The following RAB3GAP1 variants were observed in gnomAD, a reference collection of about 807,000 sequenced individuals.
The protein encoded by RAB3GAP1 is RAB3 GTPase activating protein catalytic subunit 1.
Under a neutral mutation model 130.7 loss-of-function variants are expected in RAB3GAP1, and 86 were observed. The observed-to-expected ratio is 0.66, with a 90% CI of 0.55 to 0.79. RAB3GAP1 has a LOEUF of 0.79. Among genes scored for constraint, RAB3GAP1 ranks in the 30% least tolerant of loss-of-function variants. The pLI is 0.00. For missense variants in RAB3GAP1, 1,029 were observed against 1,169.4 expected (o/e 0.88, Z 1.75); for synonymous variants, 367 against 401.7 (o/e 0.91, Z 1.03).
In RAB3GAP1 at chr2:135,162,597, C is replaced by T. The variant is rs747631403; in HGVS notation, c.2332C>T (p.Arg778Trp). 34 of 1,613,926 alleles carry T rather than the reference C, an allele frequency of 2.1e-5. No homozygotes were observed. The highest frequency in any genetic ancestry group is 1.3e-4 in the Admixed American group (8 of 59,984). ...LAIQKPADLA[R>W]HLLPCVIHAA... ...AATCCAGAAACCTGCAGACCTTGCT[C>T]GGCACCTGTTACCTTGTGTGATTCA... The change falls in exon 20 of 24, where the codon CGG (arginine) becomes TGG (tryptophan). Residue 778 changes from arginine to tryptophan, a missense_variant. Arg to Trp is a moderately radical substitution (Grantham distance 101). Transcript: ENST00000264158.
chr2:135,140,494 T>A (rs998114834), intron 17 of RAB3GAP1, among the ~76,000 whole-genome samples: 1 of 152,182 alleles, frequency 6.6e-6, no homozygotes, highest in African/African-American at 2.4e-5. Flanking sequence ...CTATAATTTA[T>A]TACAAGAAGA....
intron 3 of RAB3GAP1, among the ~76,000 whole-genome samples, chr2:135,086,678 TTTTTTTTTC>T (rs1328417379): frequency 6.5e-5 from 9 of 137,940 alleles, no homozygotes; most frequent in African/African-American, 2.1e-4. Flanking sequence ...TTTTTTTTTT[TTTTTTTTTC>T]CTTAGAGATA....
intron 5 of RAB3GAP1, among the ~76,000 whole-genome samples, chr2:135,108,426 G>C (rs1690694186): frequency 6.6e-6 from 1 of 151,758 alleles, no homozygotes; most frequent in Admixed American, 6.6e-5. Flanking sequence ...TCACTTCCCT[G>C]ATTACATGTG....
In RAB3GAP1 at chr2:135,135,597, C is replaced by T. The variant is rs541272906; in HGVS notation, c.1588C>T (p.Arg530Cys). ...TTGTTGTATTGAAAGAAAGAAGGCA[C>T]GTGATGAGGGGAAAAAGACAAGTGC... ...LNCCIERKKARDEGKKTSASD... is the reference protein window; with the variant it reads ...LNCCIERKKACDEGKKTSASD... The change falls in exon 17 of 24, where the codon CGT (arginine) becomes TGT (cysteine). Residue 530 changes from arginine to cysteine, a missense_variant. Arg to Cys is a radical substitution (Grantham distance 180, BLOSUM62 -3). Around this residue, in one of 3 missense-constraint regions of RAB3GAP1, gnomAD observed 373 missense variants for 493.6 expected, o/e 0.76. Transcript: ENST00000264158. 109 of 1,607,352 alleles carry T rather than the reference C, an allele frequency of 6.8e-5. No individual in the cohort carries two copies. The highest frequency in any genetic ancestry group is 6.4e-4 in the South Asian group (58 of 90,722).
chr2:135,129,958 C>A, intron 11 of RAB3GAP1, 37 bp from the exon 12 acceptor site: 14 of 1,184,428 alleles, frequency 1.2e-5, no homozygotes, highest in Admixed American at 2.1e-5. Flanking sequence ...TTTTTTTTTT[C>A]AGTTAAGTGT....
chr2:135,060,305 G>C (rs376093507), intron 3 of RAB3GAP1, among the ~76,000 whole-genome samples: 2 of 143,506 alleles, frequency 1.4e-5, no homozygotes, highest in Admixed American at 1.4e-4. Flanking sequence ...TGTTGCCCAG[G>C]CTGAAGTGCA....
At chr2:135,096,015 G>A (rs1006486001) in intron 5 of RAB3GAP1, among the ~76,000 whole-genome samples, 5 of 152,302 alleles carry the variant, frequency 3.3e-5, no homozygotes, top group African/African-American at 1.2e-4. Context: ...GATACCATCT[G>A]CAGTTTCAAG....
chr2:135,129,937 A>G (rs1691480947), intron 11 of RAB3GAP1, 58 bp from the exon 12 acceptor site: 2 of 1,056,822 alleles, frequency 1.9e-6, no homozygotes, highest in Non-Finnish European at 2.9e-6. Context: ...TTTAATTTAT[A>G]GGACTGATTT....
At chr2:135,113,043 A>C in intron 5 of RAB3GAP1, 108 bp from the exon 6 acceptor site, 1 of 1,489,118 alleles carries the variant, frequency 6.7e-7, no homozygotes, top group Non-Finnish European at 9.3e-7. Context: ...TTTAGTTTAA[A>C]CCTGACTTGT....
At chr2:135,057,963 G>GA (rs768385518) in intron 2 of RAB3GAP1, 48 bp from the exon 3 acceptor site, 1 of 1,297,842 alleles carries the variant, frequency 7.7e-7, no homozygotes, top group Non-Finnish European at 1.1e-6. Context: ...ATAATAATAG[G>GA]AAAAAAGGTG....
Position 135,168,571 on chromosome 2 carries a change from G to C in RAB3GAP1, c.2736G>C (p.Glu912Asp), listed in dbSNP as rs759130464. 6.2e-7 allele frequency: 1 copy of C among 1,614,150 alleles called. No individual in the cohort carries two copies. ...CTGCAGCTATGACTCCACCAGAGGA[G>C]GAATTGAAGAGAATGGGCTCCCCAG... is the stretch of plus-strand genomic sequence containing the variant. ...QRAAAMTPPE[E>D]ELKRMGSPEE... Residue 912 changes from glutamate to aspartate, a missense_variant, in exon 24 of 24, where the codon GAG (glutamate) becomes GAC (aspartate). Around this residue, in one of 3 missense-constraint regions of RAB3GAP1, gnomAD observed 146 missense variants for 143.7 expected, o/e 1.02. Coordinates refer to ENST00000264158, the MANE Select transcript of RAB3GAP1 (RefSeq NM_012233.3).
intron 5 of RAB3GAP1, among the ~76,000 whole-genome samples, chr2:135,112,639 C>T (rs1394565313): frequency 1.3e-5 from 2 of 152,156 alleles, no homozygotes; most frequent in East Asian, 3.9e-4. Context: ...TCAGCCCAGC[C>T]ATTCTGTGAC....
At position 135,130,633 on chromosome 2, in the gene RAB3GAP1, T is replaced by C. The variant is rs749460613; in HGVS notation, c.1148T>C (p.Met383Thr). ...ATTCATAAATTATCAGTTTCAAATA[T>C]GGTACACACTGCAAAGAAGAAAATC... is the stretch of plus-strand genomic sequence containing the variant. ...VPIHKLSVSN[M>T]VHTAKKKIRK... The change falls in exon 13 of 24, where the codon ATG becomes ACG. Residue 383 changes from methionine (M) to threonine (T), a missense_variant. This residue lies in a region of RAB3GAP1 where 510 missense variants were observed against 532.1 expected (regional missense o/e 0.96). Transcript: ENST00000264158. 1.9e-6 allele frequency: 3 copies of C among 1,613,606 alleles called. No individual in the cohort carries two copies. The highest frequency in any genetic ancestry group is 2.2e-5 in the East Asian group (1 of 44,848).
intron 5 of RAB3GAP1, among the ~76,000 whole-genome samples, chr2:135,110,281 T>A (rs1189685104): frequency 6.6e-6 from 1 of 151,856 alleles, no homozygotes; most frequent in Non-Finnish European, 1.5e-5. Flanking sequence ...CTACAGGCGC[T>A]CTCCACCATG....
Position 135,113,431 on chromosome 2 carries a change from C to T in RAB3GAP1, c.482+161C>T, listed in dbSNP as rs577201074. On this transcript the variant is annotated intron_variant, in intron 6 of 23. Transcript: ENST00000264158. ...ACTTGAGGTTACCTCTGTATCCGCT[C>T]CCTATTTAAAGAACTGCTACCTAAC... 1.7e-4 allele frequency among the ~76,000 whole-genome samples: 26 copies of T among 152,306 alleles called. No homozygotes were observed. The South Asian group carries it at 5.2e-3, about 30-fold the overall frequency.
intron 3 of RAB3GAP1, among the ~76,000 whole-genome samples, chr2:135,089,067 A>G (rs1010711571): frequency 2.6e-5 from 4 of 152,146 alleles, no homozygotes; most frequent in African/African-American, 9.7e-5. Context: ...TAATTTTTGT[A>G]TAAGGTATAA....
At chr2:135,130,113 A>G (rs1691488753) in intron 12 of RAB3GAP1, 26 bp downstream of exon 12, 1 of 1,517,536 alleles carries the variant, frequency 6.6e-7, no homozygotes, top group Non-Finnish European at 9.1e-7. Flanking sequence ...TTTTAACATT[A>G]CTTTCAAATG....
chr2:135,063,792 A>G (rs1375967311), intron 3 of RAB3GAP1, among the ~76,000 whole-genome samples: 1 of 152,230 alleles, frequency 6.6e-6, no homozygotes, highest in Admixed American at 6.5e-5. Flanking sequence ...GTGAATGTAC[A>G]AATATCTGTC....
At chr2:135,079,524 C>T (rs1689725524) in intron 3 of RAB3GAP1, among the ~76,000 whole-genome samples, 1 of 152,174 alleles carries the variant, frequency 6.6e-6, no homozygotes, top group Admixed American at 6.5e-5. Context: ...AATTTCTCCA[C>T]CTTTTTTCTC....
Sources: gnomAD v4.1 joint callset for allele counts (sites outside exome capture counted in the v4.1 genomes callset) on GRCh38, gnomAD v4.1.1 for gene constraint, gnomAD v4.1.1 regional missense constraint, MANE v1.5 for transcripts, NCBI Gene and HGNC (gene_info 2026-07-23, HGNC 2026-07-21) for gene names.